Variants in ZNF804B observed in about 807,000 individuals in gnomAD.
The protein encoded by ZNF804B is zinc finger protein 804B.
A neutral mutation model predicts 101.4 loss-of-function variants in ZNF804B; 80 were observed. The ratio of observed to expected loss-of-function variants is 0.79; its 90% CI spans 0.66 to 0.95. The LOEUF (loss-of-function observed/expected upper bound fraction) is 0.95, where lower values mean the gene tolerates loss of function less well. Among genes scored for constraint, ZNF804B ranks in the 40% least tolerant of loss-of-function variants. The probability of loss-of-function intolerance (pLI) is 0.00; values close to 1 mark genes in which losing one functional copy is unlikely to be tolerated. For synonymous variants in ZNF804B, 622 were observed against 558.8 expected, an observed-to-expected ratio of 1.11 and a Z score of -1.59; for missense variants, 1,673 against 1,561.9, an observed-to-expected ratio of 1.07 and a Z score of -1.20.
At chr7:88,863,279 A>G (rs1222294153) in intron 1 of ZNF804B, among the ~76,000 whole-genome samples, 3 of 152,218 alleles carry the variant, frequency 2.0e-5, no homozygotes, top group Non-Finnish European at 2.9e-5. Context: ...ATGTCAGTCC[A>G]AATGACCCTT....
chr7:89,334,250 A>C lies in ZNF804B; in HGVS notation c.1268A>C (p.Asn423Thr). 6.2e-7 allele frequency: 1 copy of C among 1,613,680 alleles called. No homozygotes were observed. The highest frequency in any genetic ancestry group is 8.5e-7 in the Non-Finnish European group (1 of 1,179,812). The change falls in exon 4 of 4, where the codon AAT becomes ACT. Residue 423 changes from asparagine (N) to threonine (T), a missense_variant. Asn to Thr is a moderately conservative substitution (Grantham distance 65). Coordinates refer to ENST00000333190, the MANE Select transcript of ZNF804B (RefSeq NM_181646.5). ...GATAAAACAGAAAGAGTTAGCAAAA[A>C]TGTTCAAAGACTTGTAAAAGAAGCA... ...SLDKTERVSK[N>T]VQRLVKEACT...
intron 1 of ZNF804B, among the ~76,000 whole-genome samples, chr7:88,779,022 T>G (rs1790186398): frequency 6.6e-6 from 1 of 152,212 alleles, no homozygotes; most frequent in Admixed American, 6.5e-5. Context: ...TATTTAAAAG[T>G]AATCAAAGTA....
chr7:89,035,435 A>T (rs975627566), intron 1 of ZNF804B, among the ~76,000 whole-genome samples: 6 of 152,212 alleles, frequency 3.9e-5, no homozygotes, highest in South Asian at 2.1e-4. Flanking sequence ...GGTGTATTTT[A>T]AAAAAATCAG....
chr7:88,946,518 C>T (rs569706374), intron 1 of ZNF804B, among the ~76,000 whole-genome samples: 2 of 149,136 alleles, frequency 1.3e-5, no homozygotes, highest in East Asian at 2.0e-4. Flanking sequence ...AGGTTTATTG[C>T]GTCGATGTTC....
chr7:88,987,295 C>T (rs1384510437), intron 1 of ZNF804B, among the ~76,000 whole-genome samples: 1 of 152,108 alleles, frequency 6.6e-6, no homozygotes, highest in Non-Finnish European at 1.5e-5. Flanking sequence ...GTCTCCTGAA[C>T]TGGACTCCAA....
At chr7:88,893,733 C>T (rs949701723) in intron 1 of ZNF804B, among the ~76,000 whole-genome samples, 4 of 152,120 alleles carry the variant, frequency 2.6e-5, no homozygotes, top group African/African-American at 9.6e-5. Context: ...CAATGTGAAG[C>T]GACATTTTGA....
rs1479959761 is a variant in ZNF804B, at chr7:89,336,691, C to T, written c.3709C>T (p.Pro1237Ser). Residue 1237 changes from proline (P) to serine (S), a missense_variant, in exon 4 of 4, where the codon CCT becomes TCT. Physicochemically the swap from Pro to Ser is moderately conservative, Grantham distance 74 (BLOSUM62 -1). Coordinates refer to ENST00000333190, the MANE Select transcript of ZNF804B (RefSeq NM_181646.5). ...SSHLPIAHLH[P>S]LSQAHFSPIS... is the part of the protein sequence containing the mutation. ...TCACCTCCCTATTGCTCATCTACAT[C>T]CTCTTTCACAGGCACATTTCAGTCC... 6.2e-6 allele frequency: 10 copies of T among 1,613,974 alleles called. No homozygotes were observed. Among genetic ancestry groups the T allele is most frequent in the Non-Finnish European group, 8.5e-6 (10 of 1,180,016 alleles).
chr7:89,241,713 C>A (rs1400688376), intron 2 of ZNF804B, among the ~76,000 whole-genome samples: 1 of 152,022 alleles, frequency 6.6e-6, no homozygotes, highest in South Asian at 2.1e-4. Context: ...TGTGATAAAT[C>A]TGAGGGTTGC....
intron 1 of ZNF804B, among the ~76,000 whole-genome samples, chr7:88,940,768 A>AAATGATAATAAT (rs1554347995): frequency 7.2e-6 from 1 of 139,488 alleles, no homozygotes; most frequent in Non-Finnish European, 1.5e-5. Context: ...ACCCTATTTA[A>AAATGATAATAAT]AATAATAATA....
intron 1 of ZNF804B, among the ~76,000 whole-genome samples, chr7:89,023,499 A>G (rs994717711): frequency 1.3e-5 from 2 of 152,208 alleles, no homozygotes; most frequent in Admixed American, 1.3e-4. Flanking sequence ...TAAACTGTAG[A>G]TGGCATTTTG....
chr7:89,230,030 C>T (rs954466365), intron 2 of ZNF804B, among the ~76,000 whole-genome samples: 3 of 151,660 alleles, frequency 2.0e-5, no homozygotes, highest in African/African-American at 7.3e-5. Context: ...TGGAATGCGG[C>T]AAAGAGTGCT....
chr7:89,112,789 C>T (rs953388248), intron 1 of ZNF804B, among the ~76,000 whole-genome samples: 3 of 152,164 alleles, frequency 2.0e-5, no homozygotes, highest in Admixed American at 1.3e-4. Flanking sequence ...TTAGGGATTA[C>T]TTCTATACCT....
chr7:89,139,266 T>TA (rs1435564434), intron 1 of ZNF804B, among the ~76,000 whole-genome samples: 2 of 152,178 alleles, frequency 1.3e-5, no homozygotes, highest in African/African-American at 4.8e-5. Context: ...CAGCATTCAG[T>TA]AAGTCATAAT....
chr7:88,854,795 C>T (rs1420251072), intron 1 of ZNF804B, among the ~76,000 whole-genome samples: 1 of 136,954 alleles, frequency 7.3e-6, no homozygotes, highest in East Asian at 2.2e-4. Context: ...TGATGTTCCC[C>T]TTCCTGTGTC....
chr7:88,981,297 G>A (rs987185110), intron 1 of ZNF804B, among the ~76,000 whole-genome samples: 2 of 152,036 alleles, frequency 1.3e-5, no homozygotes, highest in African/African-American at 4.8e-5. Flanking sequence ...GAAATGTCTG[G>A]GAGCTAGGCT....
chr7:89,170,480 T>C (rs1443899504), intron 1 of ZNF804B, among the ~76,000 whole-genome samples: 2 of 152,192 alleles, frequency 1.3e-5, no homozygotes, highest in African/African-American at 4.8e-5. Context: ...GGTTTCTTTC[T>C]TTTAGTTTAT....
chr7:88,899,058 T>A lies in ZNF804B; in HGVS notation c.108+138974T>A, dbSNP rs146344182. Among the ~76,000 whole-genome samples the A allele has an allele frequency of 3.5e-3, 535 of 152,284 alleles. 3 individuals carry two copies. Among genetic ancestry groups the A allele is most frequent in the African/African-American group, 0.012 (516 of 41,562 alleles). On this transcript the variant is annotated intron_variant, in intron 1 of 3. Coordinates refer to ENST00000333190, the MANE Select transcript of ZNF804B (RefSeq NM_181646.5). ...CATCCCCAATTTTTGGTGAGTTCCA[T>A]TTTAGAGCCCTTTCCTTTCTTTAGA...
At chr7:88,911,440 T>C (rs1792549113) in intron 1 of ZNF804B, among the ~76,000 whole-genome samples, 1 of 148,582 alleles carries the variant, frequency 6.7e-6, no homozygotes. Flanking sequence ...TATTATATCT[T>C]ATTTATATGA....
chr7:88,919,267 C>T (rs1562831792), intron 1 of ZNF804B, among the ~76,000 whole-genome samples: 1 of 152,038 alleles, frequency 6.6e-6, no homozygotes, highest in Non-Finnish European at 1.5e-5. Flanking sequence ...GAAAATAAAA[C>T]ATCTTAAAAT....
Sources: gnomAD v4.1 joint callset for allele counts (sites outside exome capture counted in the v4.1 genomes callset) on GRCh38, gnomAD v4.1.1 for gene constraint, MANE v1.5 for transcripts, NCBI Gene and HGNC (gene_info 2026-07-23, HGNC 2026-07-21) for gene names.